The following MFAP3L variants were observed in gnomAD, a reference collection of about 807,000 sequenced individuals.
MFAP3L encodes the protein microfibril associated protein 3 like, also known as microfibrillar-associated protein 3-like.
In MFAP3L, 5 loss-of-function variants were observed where a neutral mutation model predicts 20.0. That is an observed-to-expected ratio of 0.25 (90% CI 0.13 to 0.53). MFAP3L has a LOEUF of 0.53. Ranked by LOEUF, MFAP3L falls within the 20% of genes least tolerant of loss-of-function variation. The probability of loss-of-function intolerance (pLI) is 0.96; values close to 1 mark genes in which losing one functional copy is unlikely to be tolerated. For synonymous variants in MFAP3L, 219 were observed against 213.0 expected (o/e 1.03, Z -0.25); for missense variants, 409 against 527.5 (o/e 0.78, Z 2.20).
Position 169,991,936 on chromosome 4 carries a change from C to T in MFAP3L, c.672G>A (p.Gln224=), listed in dbSNP as rs374785317. ...AGCGGGCGAACTCCATGGTTTTGAACTGGGTGACTTTGGCAAGCTCTAGAG... is the reference window on the plus strand; with the variant it reads ...AGCGGGCGAACTCCATGGTTTTGAATTGGGTGACTTTGGCAAGCTCTAGAG... ...AKTLELAKVT[Q]FKTMEFARYI... is the part of the protein sequence containing the mutation. The change falls in exon 3 of 3, where the codon CAG becomes CAA. Residue 224 remains glutamine (Q), a synonymous_variant. Transcript: ENST00000361618. This position sits in a 1 kb window ranked among gnomAD's most constrained non-coding sequence, Gnocchi z 4.9. The T allele has an allele frequency of 6.2e-7, 1 of 1,614,064 alleles. No individual in the cohort carries two copies. The highest frequency in any genetic ancestry group is 8.5e-7 in the Non-Finnish European group (1 of 1,180,038).
upstream of MFAP3L, chr4:170,026,481 G>T: frequency 5.6e-6 from 1 of 177,440 alleles, no homozygotes; most frequent in South Asian, 1.7e-4. Flanking sequence ...GCGGCGCGGA[G>T]GCGCGGGTGT....
intron 2 of MFAP3L, chr4:170,005,376 T>C (rs1738960734): frequency 1.1e-5 from 7 of 628,366 alleles, no homozygotes; most frequent in Non-Finnish European, 1.9e-5. Flanking sequence ...GTGTTTGTCC[T>C]TTGTCTTCTG....
At chr4:170,001,715 C>G (rs953937852) in intron 2 of MFAP3L, among the ~76,000 whole-genome samples, 1 of 152,196 alleles carries the variant, frequency 6.6e-6, no homozygotes, top group African/African-American at 2.4e-5. Context: ...CAGTATATTT[C>G]GTGGCCATTT....
chr4:170,003,947 G>A, intron 2 of MFAP3L: 1 of 669,864 alleles, frequency 1.5e-6, no homozygotes, highest in South Asian at 6.6e-5. Flanking sequence ...AGTAGTGAAG[G>A]TTCTTGTTAT....
chr4:170,015,964 T>G (rs1028483388), intron 1 of MFAP3L, among the ~76,000 whole-genome samples: 5 of 152,118 alleles, frequency 3.3e-5, no homozygotes, highest in African/African-American at 1.2e-4. Context: ...AACCTTCATT[T>G]CACTTGATAA....
chr4:169,991,276 T>G lies in MFAP3L; in HGVS notation c.*102A>C. On this transcript the variant is annotated 3_prime_UTR_variant, in exon 3 of 3. Coordinates refer to ENST00000361618, the MANE Select transcript of MFAP3L (RefSeq NM_021647.8). The surrounding 1 kb of genome is among the most constrained non-coding windows in gnomAD (Gnocchi z 4.9). ...AGTGGCATCACTCCTACCTAAGGGA[T>G]GAGAGTCTCCTGGTAAGGCTTAGCG... The G allele has an allele frequency of 3.8e-5, 47 of 1,243,976 alleles. No individual in the cohort carries two copies. The highest frequency in any genetic ancestry group is 4.9e-5 in the Non-Finnish European group (44 of 894,744). The allele number at this position is 1,243,976 out of a possible 1,614,324, so 77.1% of individuals were successfully genotyped here.
At chr4:169,993,586 G>T (rs1737906211) in intron 2 of MFAP3L, 2 of 152,102 alleles carry the variant, frequency 1.3e-5, no homozygotes, top group African/African-American at 4.8e-5. Flanking sequence ...CACAGGGCCT[G>T]TTTTCCCGCA....
In MFAP3L at chr4:169,991,877, G is replaced by T. The variant is rs201000129; in HGVS notation, c.731C>A (p.Pro244Gln). 1 of 1,614,100 alleles carries T rather than the reference G, an allele frequency of 6.2e-7. No homozygotes were observed. The highest frequency in any genetic ancestry group is 1.7e-5 in the Admixed American group (1 of 60,020). Residue 244 changes from proline to glutamine, a missense_variant, in exon 3 of 3, where the codon CCG becomes CAG. By Grantham distance (76) the Pro-to-Gln change is moderately conservative (BLOSUM62 -1). Coordinates refer to ENST00000361618, the MANE Select transcript of MFAP3L (RefSeq NM_021647.8). This position sits in a 1 kb window ranked among gnomAD's most constrained non-coding sequence, Gnocchi z 4.9. ...IEELARSVPL[P>Q]PLIMNCRTIM... Reference sequence around the variant, plus strand: ...AGTCCTGCAGTTCATAATGAGAGGCGGCAGAGGCACGCTCCTGGCAAGCTC... The same window carrying T: ...AGTCCTGCAGTTCATAATGAGAGGCTGCAGAGGCACGCTCCTGGCAAGCTC...
chr4:170,007,760 T>C (rs763479063), intron 1 of MFAP3L, among the ~76,000 whole-genome samples: 1 of 152,110 alleles, frequency 6.6e-6, no homozygotes, highest in Non-Finnish European at 1.5e-5. Flanking sequence ...GTGTATTCTG[T>C]GGTGAGCATG....
chr4:170,005,567 C>T lies in MFAP3L; in HGVS notation c.298+13G>A, dbSNP rs1340734575. The T allele has an allele frequency of 6.2e-7, 1 of 1,612,060 alleles. No individual in the cohort carries two copies. Among genetic ancestry groups the T allele is most frequent in the East Asian group, 2.2e-5 (1 of 44,860 alleles). On this transcript the variant is annotated intron_variant, in intron 2 of 2. Transcript: ENST00000361618. ...TATTTTATTATGACATTTGATACAA[C>T]TTTAAAGCCTACCTCCTCCTCTCTC... is the stretch of plus-strand genomic sequence containing the variant.
chr4:170,026,967 C>T (rs1043668007), upstream of MFAP3L: 12 of 152,162 alleles, frequency 7.9e-5, no homozygotes, highest in Non-Finnish European at 1.5e-4. Flanking sequence ...TCTCTTAAAG[C>T]AAAGTCCACA....
At chr4:170,005,516 G>A (rs1738971336) in intron 2 of MFAP3L, 64 bp downstream of exon 2, 1 of 1,515,150 alleles carries the variant, frequency 6.6e-7, no homozygotes, top group African/African-American at 1.4e-5. Flanking sequence ...TAACATCACG[G>A]GTGCTGGCTC....
intron 2 of MFAP3L, among the ~76,000 whole-genome samples, chr4:170,002,877 C>T (rs1253375851): frequency 6.6e-6 from 1 of 151,092 alleles, no homozygotes; most frequent in Non-Finnish European, 1.5e-5. Context: ...ACACAAAAAA[C>T]ACCGCTCCAT....
intron 2 of MFAP3L, among the ~76,000 whole-genome samples, chr4:170,004,519 C>T (rs543772323): frequency 9.8e-5 from 15 of 152,310 alleles, no homozygotes; most frequent in East Asian, 7.7e-4. Flanking sequence ...GCCAATTAGA[C>T]GGCTAGCAGC....
intron 1 of MFAP3L, among the ~76,000 whole-genome samples, chr4:170,022,800 G>C (rs1217823720): frequency 6.6e-6 from 1 of 152,112 alleles, no homozygotes; most frequent in African/African-American, 2.4e-5. Context: ...GCCTCTAGAA[G>C]GTGGCAAAGG....
intron 2 of MFAP3L, among the ~76,000 whole-genome samples, chr4:169,993,305 G>C (rs1170136655): frequency 6.6e-6 from 1 of 152,138 alleles, no homozygotes; most frequent in Non-Finnish European, 1.5e-5. Context: ...GAAGATCCCA[G>C]TTAGGCTTTT....
chr4:170,026,261 C>A lies in MFAP3L; in HGVS notation c.-161G>T. ...GACACCGCCGCGCCACTCAGGTGGCCGCCGTGCACCCCTCGCCATGGCCAG... is the reference window on the plus strand; with the variant it reads ...GACACCGCCGCGCCACTCAGGTGGCAGCCGTGCACCCCTCGCCATGGCCAG... On this transcript the variant is annotated 5_prime_UTR_variant, in exon 1 of 3. Transcript: ENST00000361618. The A allele has an allele frequency of 1.0e-6, 1 of 984,570 alleles. No homozygotes were observed. The allele number at this position is 984,570 out of a possible 1,614,324, so 61.0% of individuals were successfully genotyped here.
Position 169,996,822 on chromosome 4 carries a change from G to A in MFAP3L, c.299-4513C>T, listed in dbSNP as rs145162538. On this transcript the variant is annotated intron_variant, in intron 2 of 2. Transcript: ENST00000361618. ...CATTTACATGACTTTTCCCCTGACA[G>A]GTTTGCCTTACTGTATTTCTTAGAG... 4.8e-3 allele frequency among the ~76,000 whole-genome samples: 736 copies of A among 152,228 alleles called. 8 individuals are homozygous for A. Among genetic ancestry groups the A allele is most frequent in the African/African-American group, 0.017 (686 of 41,536 alleles).
At chr4:170,021,668 A>G (rs1740045544) in intron 1 of MFAP3L, among the ~76,000 whole-genome samples, 1 of 152,244 alleles carries the variant, frequency 6.6e-6, no homozygotes, top group African/African-American at 2.4e-5. Context: ...AGAATCCTTC[A>G]GTTTAGGTTT....
Sources: allele counts gnomAD v4.1 joint callset (sites outside exome capture counted in the v4.1 genomes callset), GRCh38; gene constraint gnomAD v4.1.1; non-coding constraint Gnocchi (gnomAD v3.1); transcripts MANE v1.5; gene names NCBI Gene and HGNC (gene_info 2026-07-23, HGNC 2026-07-21).